The following AGO1 variants were observed in gnomAD, a reference collection of about 807,000 sequenced individuals.
The protein encoded by AGO1 is argonaute RISC component 1.
AGO1 carries 11 observed loss-of-function variants against 109.2 expected under a neutral mutation model. The observed-to-expected ratio is 0.10, with a 90% CI of 0.06 to 0.17. AGO1 has a LOEUF of 0.17. AGO1 is among the 10% of genes least tolerant of loss of function. The pLI is 1.00. For missense variants in AGO1, 574 were observed against 1,140.3 expected (o/e 0.50, Z 7.15); for synonymous variants, 422 against 418.6 (o/e 1.01, Z -0.10).
At position 35,899,640 on chromosome 1, in the gene AGO1, C is replaced by T. The variant is rs534366866; in HGVS notation, c.1021-1834C>T. Among the ~76,000 whole-genome samples the T allele has an allele frequency of 3.9e-5, 6 of 152,198 alleles. No individual in the cohort carries two copies. In the South Asian group the frequency reaches 1.0e-3, roughly 26 times the overall value. On this transcript the variant is annotated intron_variant, in intron 8 of 18. Transcript: ENST00000373204. ...TTTCAATAATTTTGGATTTTCATTA[C>T]GTGAATTGACTATTTTGTTTATTCT...
At position 35,889,223 on chromosome 1, in the gene AGO1, G is replaced by A. The variant is rs376161594; in HGVS notation, c.209+613G>A. Among the ~76,000 whole-genome samples the A allele has an allele frequency of 1.9e-4, 14 of 74,548 alleles. No homozygotes were observed. In the East Asian group the frequency reaches 2.6e-3, roughly 14 times the overall value. 48.9% of individuals were successfully genotyped at this position (74,548 alleles called of 152,430 possible). A position where few individuals can be genotyped will look rare whatever the true frequency, so the allele number is the denominator to read the frequency against. ...TTTTTTGAGAGGGAGTTTTTCTCTT[G>A]TTTTGTTTTTGAGAGGGAGTTTTGC... On this transcript the variant is annotated intron_variant, in intron 2 of 18. Transcript: ENST00000373204.
At chr1:35,881,113 A>G (rs1294065871), upstream of AGO1, among the ~76,000 whole-genome samples, 2 of 152,246 alleles carry the variant, frequency 1.3e-5, no homozygotes, top group African/African-American at 4.8e-5. Context: ...TGCAGGGCCA[A>G]TATTGAAACC....
At chr1:35,869,858 CT>C in exon 1 of AGO1, 1 of 152,218 alleles carries the variant, frequency 6.6e-6, no homozygotes, top group Non-Finnish European at 1.5e-5. Flanking sequence ...CTCGGGGAGC[CT>C]TTTATCCTGA....
In AGO1 at chr1:35,915,546, G is replaced by T. The variant is rs754863339; in HGVS notation, c.2028+4G>T. 7.7e-5 allele frequency: 124 copies of T among 1,613,196 alleles called. No homozygotes were observed. The highest frequency in any genetic ancestry group is 1.7e-4 in the Admixed American group (10 of 59,890). On this transcript the variant is annotated splice_donor_region_variant and intron_variant, in intron 15 of 18. Coordinates refer to ENST00000373204, the MANE Select transcript of AGO1 (RefSeq NM_012199.5). ...GCCTGAAGGCCAGCTACCCCAGGTA[G>T]GGCCCACAGTAGGTGGAGAAAACCT... is the stretch of plus-strand genomic sequence containing the variant.
intron 8 of AGO1, among the ~76,000 whole-genome samples, chr1:35,899,377 C>T (rs1645376176): frequency 1.3e-5 from 2 of 152,092 alleles, no homozygotes; most frequent in Admixed American, 1.3e-4. Flanking sequence ...GTTGAAGTTC[C>T]TGTTTTCATT....
intron 1 of AGO1, among the ~76,000 whole-genome samples, chr1:35,874,034 A>G (rs940696474): frequency 6.6e-6 from 1 of 152,160 alleles, no homozygotes; most frequent in Non-Finnish European, 1.5e-5. Flanking sequence ...TGATATTTCA[A>G]ATGTTTTCAT....
chr1:35,876,728 T>C (rs1644996049), intron 1 of AGO1, among the ~76,000 whole-genome samples: 1 of 152,150 alleles, frequency 6.6e-6, no homozygotes, highest in South Asian at 2.1e-4. Flanking sequence ...TGACTCCAAT[T>C]TTGAGGGAAG....
Position 35,893,571 on chromosome 1 carries a change from C to A in AGO1, c.513-103C>A. ...TAAAGCATCAGAGCTGGCATTAAAG[C>A]CCCGGTGTCCTGCCTTTCAGGCCAG... On this transcript the variant is annotated intron_variant, in intron 4 of 18. Coordinates refer to ENST00000373204, the MANE Select transcript of AGO1 (RefSeq NM_012199.5). This position sits in a 1 kb window ranked among gnomAD's most constrained non-coding sequence, Gnocchi z 5.6. 1 of 1,250,246 alleles carries A rather than the reference C, an allele frequency of 8.0e-7. No homozygotes were observed. Among genetic ancestry groups the A allele is most frequent in the Non-Finnish European group, 1.1e-6 (1 of 918,578 alleles). 77.4% of individuals were successfully genotyped at this position (1,250,246 alleles called of 1,614,324 possible). A position where few individuals can be genotyped will look rare whatever the true frequency, so the allele number is the denominator to read the frequency against.
In AGO1 at chr1:35,901,646, GTTT is replaced by G; in HGVS notation, c.1140+55_1140+57del. 6.2e-7 allele frequency: 1 copy of G among 1,612,094 alleles called. No homozygotes were observed. Among genetic ancestry groups the G allele is most frequent in the Non-Finnish European group, 8.5e-7 (1 of 1,178,944 alleles). ...CATTGGGGCCATTGGTAGCATAAAT[GTTT>G]TAATGCCCCAGCAGGACCTTCCTTC... On this transcript the variant is annotated intron_variant, in intron 9 of 18. Coordinates refer to ENST00000373204, the MANE Select transcript of AGO1 (RefSeq NM_012199.5). The surrounding 1 kb of genome is among the most constrained non-coding windows in gnomAD (Gnocchi z 4.8).
intron 12 of AGO1, among the ~76,000 whole-genome samples, chr1:35,908,381 A>T (rs1489089282): frequency 6.6e-6 from 1 of 152,138 alleles, no homozygotes; most frequent in Admixed American, 6.5e-5. Context: ...CATTTTATTA[A>T]AATTCCCATT....
chr1:35,919,710 G>A lies in AGO1; in HGVS notation c.*103G>A. On this transcript the variant is annotated 3_prime_UTR_variant, in exon 19 of 19. Coordinates refer to ENST00000373204, the MANE Select transcript of AGO1 (RefSeq NM_012199.5). This position sits in a 1 kb window ranked among gnomAD's most constrained non-coding sequence, Gnocchi z 6.6. Reference sequence around the variant, plus strand: ...AGCAAGGAGGAGGGAGGTGGGGTAGGGAGGAGTGTAGGATGCCTTGTTTCC... The same window carrying A: ...AGCAAGGAGGAGGGAGGTGGGGTAGAGAGGAGTGTAGGATGCCTTGTTTCC... The A allele has an allele frequency of 4.5e-6, 5 of 1,119,628 alleles. 1 individual carries two copies. The highest frequency in any genetic ancestry group is 2.2e-5 in the Admixed American group (1 of 45,696). 69.4% of individuals were successfully genotyped at this position (1,119,628 alleles called of 1,614,324 possible). A position where few individuals can be genotyped will look rare whatever the true frequency, so the allele number is the denominator to read the frequency against.
intron 1 of AGO1, among the ~76,000 whole-genome samples, chr1:35,875,513 A>T (rs1243163339): frequency 1.3e-5 from 2 of 152,160 alleles, no homozygotes; most frequent in African/African-American, 4.8e-5. Flanking sequence ...TCCTGGGGTC[A>T]AGTGATTCTC....
upstream of AGO1, among the ~76,000 whole-genome samples, chr1:35,882,647 T>A (rs1264294808): frequency 6.6e-6 from 1 of 152,152 alleles, no homozygotes. This position sits in a 1 kb window ranked among gnomAD's most constrained non-coding sequence, Gnocchi z 5.1. Flanking sequence ...GCACTTAAGT[T>A]CAAACTGTGA....
chr1:35,914,091 G>T, intron 13 of AGO1, 90 bp downstream of exon 13: 1 of 1,596,262 alleles, frequency 6.3e-7, no homozygotes, highest in East Asian at 2.2e-5. Context: ...GACTGAATCA[G>T]ACATAAGGGG....
At chr1:35,896,618 C>T (rs933611152) in intron 8 of AGO1, among the ~76,000 whole-genome samples, 2 of 152,152 alleles carry the variant, frequency 1.3e-5, no homozygotes, top group Non-Finnish European at 1.5e-5. Context: ...CTCGGCCTCC[C>T]AAAGTGCTGG....
At position 35,901,928 on chromosome 1, in the gene AGO1, T is replaced by G. The variant is rs1645423930; in HGVS notation, c.1141-20T>G. On this transcript the variant is annotated intron_variant, in intron 9 of 18. Coordinates refer to ENST00000373204, the MANE Select transcript of AGO1 (RefSeq NM_012199.5). The surrounding 1 kb of genome is among the most constrained non-coding windows in gnomAD (Gnocchi z 4.8). Reference sequence around the variant, plus strand: ...TGCCAAGCTCCTGTTCTCCTGAGATTGCTCTCTTTTGTCCTGCAGATGAAG... The same window carrying G: ...TGCCAAGCTCCTGTTCTCCTGAGATGGCTCTCTTTTGTCCTGCAGATGAAG... The G allele has an allele frequency of 1.3e-6, 2 of 1,561,968 alleles. No individual in the cohort carries two copies. Among genetic ancestry groups the G allele is most frequent in the East Asian group, 4.5e-5 (2 of 44,566 alleles).
At chr1:35,880,152 C>G (rs1181324893), upstream of AGO1, among the ~76,000 whole-genome samples, 1 of 152,134 alleles carries the variant, frequency 6.6e-6, no homozygotes, top group Non-Finnish European at 1.5e-5. Flanking sequence ...TAAAGGAGGA[C>G]AGCAGTGTAT....
upstream of AGO1, among the ~76,000 whole-genome samples, chr1:35,882,278 C>A (rs561378828): frequency 6.6e-6 from 1 of 151,896 alleles, no homozygotes; most frequent in Non-Finnish European, 1.5e-5. The surrounding 1 kb of genome is among the most constrained non-coding windows in gnomAD (Gnocchi z 5.1). Flanking sequence ...ATAGTTGGGC[C>A]GTAAGAGTGG....
intron 1 of AGO1, among the ~76,000 whole-genome samples, chr1:35,887,377 C>G (rs1273561353): frequency 6.6e-6 from 1 of 152,196 alleles, no homozygotes; most frequent in Non-Finnish European, 1.5e-5. Context: ...CATATTATTC[C>G]CTTTTTTTCT....
Sources: gnomAD v4.1 joint callset for allele counts (sites outside exome capture counted in the v4.1 genomes callset) on GRCh38, gnomAD v4.1.1 for gene constraint, Gnocchi (gnomAD v3.1) non-coding constraint, MANE v1.5 for transcripts, NCBI Gene and HGNC (gene_info 2026-07-23, HGNC 2026-07-21) for gene names.